Variants in TLE3 observed in about 807,000 individuals in gnomAD.
The protein encoded by TLE3 is transducin-like enhancer protein 3.
TLE3 carries 14 observed loss-of-function variants against 93.0 expected under a neutral mutation model. That is an observed-to-expected ratio of 0.15 (90% CI 0.10 to 0.24). TLE3 has a LOEUF of 0.24. Among genes scored for constraint, TLE3 ranks in the 10% least tolerant of loss-of-function variants. The probability of loss-of-function intolerance (pLI) is 1.00; values close to 1 mark genes in which losing one functional copy is unlikely to be tolerated. For missense variants in TLE3, 693 were observed against 1,046.6 expected, an observed-to-expected ratio of 0.66 and a Z score of 4.66; for synonymous variants, 451 against 425.0, an observed-to-expected ratio of 1.06 and a Z score of -0.75.
intron 18 of TLE3, 96 bp from the exon 19 acceptor site, chr15:70,051,563 TGAGA>T: frequency 3.7e-6 from 4 of 1,073,816 alleles, no homozygotes; most frequent in Non-Finnish European, 4.0e-6. Context: ...AGAAAAGCAG[TGAGA>T]ACTGCTAACT....
chr15:70,077,680 C>A (rs2057518044), intron 4 of TLE3, among the ~76,000 whole-genome samples: 1 of 152,206 alleles, frequency 6.6e-6, no homozygotes. Flanking sequence ...CGCCAACCTA[C>A]GGAGCCTGTC....
At position 70,057,428 on chromosome 15, in the gene TLE3, C is replaced by T. The variant is rs376562306; in HGVS notation, c.1251+31G>A. On this transcript the variant is annotated intron_variant, in intron 13 of 19. Coordinates refer to ENST00000451782, the MANE Select transcript of TLE3 (RefSeq NM_001105192.3). ...ACTGGCTCCCCACACCACGCCCAGT[C>T]CCCAAGAAAGGAGCCAAAAGGTCTA... The T allele has an allele frequency of 2.8e-5, 44 of 1,559,362 alleles. No homozygotes were observed. In the African/African-American group the frequency reaches 5.4e-4, roughly 19 times the overall value.
intron 14 of TLE3, chr15:70,055,893 C>A (rs1359470610): frequency 1.9e-5 from 6 of 309,818 alleles, no homozygotes; most frequent in African/African-American, 1.3e-4. Context: ...GAGAGTGTGC[C>A]CTCCAGGGGA....
chr15:70,056,451 C>G, intron 13 of TLE3, 77 bp from the exon 14 acceptor site: 3 of 1,400,016 alleles, frequency 2.1e-6, no homozygotes, highest in Non-Finnish European at 3.0e-6. Flanking sequence ...CACCACCCAC[C>G]CGGGGTCCTA....
At position 70,062,407 on chromosome 15, in the gene TLE3, G is replaced by A. The variant is rs542734797; in HGVS notation, c.595-1758C>T. ...CAGGGGAGGGGGCGTGCGGCTGCTCGTGTTTCTCCTCGCGACCCGGTGCTC... is the reference window on the plus strand; with the variant it reads ...CAGGGGAGGGGGCGTGCGGCTGCTCATGTTTCTCCTCGCGACCCGGTGCTC... On this transcript the variant is annotated intron_variant, in intron 8 of 19. Coordinates refer to ENST00000451782, the MANE Select transcript of TLE3 (RefSeq NM_001105192.3). Among the ~76,000 whole-genome samples, 328 of 152,320 alleles carry A rather than the reference G, an allele frequency of 2.2e-3. 3 individuals are homozygous for A. The highest frequency in any genetic ancestry group is 7.7e-3 in the African/African-American group (319 of 41,586).
Position 70,058,894 on chromosome 15 carries a change from G to A in TLE3, c.766-79C>T. ...CTTCCCTGCTCTGGGAGTGGGAAGAGAGAGGGCATGGGCGATGGGAAGACG... is the reference window on the plus strand; with the variant it reads ...CTTCCCTGCTCTGGGAGTGGGAAGAAAGAGGGCATGGGCGATGGGAAGACG... On this transcript the variant is annotated intron_variant, in intron 10 of 19. Coordinates refer to ENST00000451782, the MANE Select transcript of TLE3 (RefSeq NM_001105192.3). This position sits in a 1 kb window ranked among gnomAD's most constrained non-coding sequence, Gnocchi z 4.1. The A allele has an allele frequency of 2.1e-6, 3 of 1,456,274 alleles. No homozygotes were observed. Among genetic ancestry groups the A allele is most frequent in the South Asian group, 1.4e-5 (1 of 69,728 alleles). 90.2% of individuals were successfully genotyped at this position (1,456,274 alleles called of 1,614,324 possible). A position where few individuals can be genotyped will look rare whatever the true frequency, so the allele number is the denominator to read the frequency against.
chr15:70,052,274 C>T, intron 18 of TLE3, 100 bp downstream of exon 18: 2 of 1,491,374 alleles, frequency 1.3e-6, no homozygotes, highest in Non-Finnish European at 1.8e-6. Flanking sequence ...CAGGGCCTAG[C>T]TTATTCTATA....
chr15:70,056,493 AGACAAGCTG>A, intron 13 of TLE3, 119 bp from the exon 14 acceptor site: 1 of 873,898 alleles, frequency 1.1e-6, no homozygotes, highest in Non-Finnish European at 1.8e-6. Flanking sequence ...GTAACCCAAG[AGACAAGCTG>A]AGCAGAGCAG....
At chr15:70,080,996 C>T (rs1433607298) in intron 4 of TLE3, among the ~76,000 whole-genome samples, 2 of 152,154 alleles carry the variant, frequency 1.3e-5, no homozygotes, top group Admixed American at 1.3e-4. Context: ...TCGTGTGTAC[C>T]TGTGGACTCT....
In TLE3 at chr15:70,066,111, T is replaced by A. The variant is rs1344067664; in HGVS notation, c.480A>T (p.Thr160=). ...GLQPPGIPPV[T]GSSSGLLALG... is the part of the protein sequence containing the mutation. The stretch of plus-strand genomic sequence containing the variant: ...GTGCCAGCAGCCCGGAGCTGCTCCC[T>A]GTCACTGGGGGGATTCCTGGAGGCT... The change falls in exon 7 of 20, where the codon ACA becomes ACT. Residue 160 remains threonine (T), a synonymous_variant. Transcript: ENST00000451782. 2 of 1,573,060 alleles carry A rather than the reference T, an allele frequency of 1.3e-6. No individual in the cohort carries two copies. Among genetic ancestry groups the A allele is most frequent in the Middle Eastern group, 3.4e-4 (2 of 5,858 alleles).
chr15:70,065,449 C>A (rs938552680), intron 7 of TLE3, among the ~76,000 whole-genome samples: 7 of 152,228 alleles, frequency 4.6e-5, no homozygotes, highest in Non-Finnish European at 8.8e-5. Flanking sequence ...CACTTACAGG[C>A]AGTCAGCTAA....
rs1368743044 is a variant in TLE3 at position 70,054,697 on chromosome 15, A to C, written c.1579-12T>G. 1 of 1,572,872 alleles carries C rather than the reference A, an allele frequency of 6.4e-7. No individual in the cohort carries two copies. The highest frequency in any genetic ancestry group is 1.3e-5 in the African/African-American group (1 of 74,224). On this transcript the variant is annotated splice_polypyrimidine_tract_variant and intron_variant, in intron 15 of 19. Transcript: ENST00000451782. ...TAATTGTCCCTGTTCTGGAGGGAGA[A>C]GGGGCAGGGCTGAGTGCTGCCTACT...
At chr15:70,084,731 G>A (rs2057962666) in intron 4 of TLE3, among the ~76,000 whole-genome samples, 1 of 148,852 alleles carries the variant, frequency 6.7e-6, no homozygotes, top group African/African-American at 2.5e-5. Flanking sequence ...CGCCCACGGT[G>A]CCTACACTGC....
At chr15:70,076,295 G>T in intron 4 of TLE3, 137 bp from the exon 5 acceptor site, 1 of 745,652 alleles carries the variant, frequency 1.3e-6, no homozygotes, top group Non-Finnish European at 2.3e-6. Context: ...CCCTCAGTCA[G>T]CCTCCTACCA....
At chr15:70,062,612 AC>A (rs1037292001) in intron 8 of TLE3, among the ~76,000 whole-genome samples, 1 of 152,110 alleles carries the variant, frequency 6.6e-6, no homozygotes, top group African/African-American at 2.4e-5. Flanking sequence ...GAATGAAGCT[AC>A]CACTAATTGG....
At chr15:70,083,752 T>C in intron 4 of TLE3, among the ~76,000 whole-genome samples, 1 of 151,844 alleles carries the variant, frequency 6.6e-6, no homozygotes, top group East Asian at 1.9e-4. Flanking sequence ...AGACAGCTCA[T>C]TAAATTTTGG....
intron 6 of TLE3, among the ~76,000 whole-genome samples, chr15:70,067,485 C>A (rs1165323272): frequency 6.6e-6 from 1 of 152,150 alleles, no homozygotes; most frequent in Non-Finnish European, 1.5e-5. Context: ...TCAACCACCA[C>A]CCCTCATCCA....
chr15:70,093,852 C>G (rs1391461165), intron 4 of TLE3, among the ~76,000 whole-genome samples: 2 of 152,162 alleles, frequency 1.3e-5, no homozygotes, highest in Admixed American at 1.3e-4. Flanking sequence ...GAGCTCAACC[C>G]CCAGCCATCT....
chr15:70,057,824 G>A, intron 12 of TLE3, 166 bp from the exon 13 acceptor site: 1 of 890,758 alleles, frequency 1.1e-6, no homozygotes, highest in South Asian at 1.7e-5. Flanking sequence ...AGCCAAAGAA[G>A]CTTAGAGCTT....
Sources: allele counts gnomAD v4.1 joint callset (sites outside exome capture counted in the v4.1 genomes callset), GRCh38; gene constraint gnomAD v4.1.1; non-coding constraint Gnocchi (gnomAD v3.1); transcripts MANE v1.5; gene names NCBI Gene and HGNC (gene_info 2026-07-23, HGNC 2026-07-21).